Variants in DDX60L observed in about 807,000 individuals in gnomAD.
The protein encoded by DDX60L is probable ATP-dependent RNA helicase DDX60-like.
A neutral mutation model predicts 211.6 loss-of-function variants in DDX60L; 191 were observed. The observed-to-expected ratio is 0.90, with a 90% CI of 0.80 to 1.02. DDX60L has a LOEUF of 1.02. Ranked by LOEUF, DDX60L falls within the 50% of genes least tolerant of loss-of-function variation. The pLI is 0.00. For missense variants in DDX60L, 2,007 were observed against 1,984.1 expected (o/e 1.01, Z -0.22); for synonymous variants, 706 against 694.1 (o/e 1.02, Z -0.27).
intron 9 of DDX60L, among the ~76,000 whole-genome samples, chr4:168,442,686 G>C (rs1222179464): frequency 4.0e-5 from 6 of 150,708 alleles, no homozygotes; most frequent in Admixed American, 2.0e-4. Context: ...ATCTGAGAAC[G>C]GGCAGACTGC....
rs1461162021 is a variant in DDX60L, at chr4:168,384,599, T to A, written c.4116+13A>T. ...GATGAAGACTGAACCTCAGGCAGTG[T>A]CCAGCACGGTACCTTTGCCTTGGCA... On this transcript the variant is annotated intron_variant, in intron 30 of 37. Transcript: ENST00000682922. 15 of 1,613,454 alleles carry A rather than the reference T, an allele frequency of 9.3e-6. 1 individual carries two copies. In the Admixed American group the frequency reaches 1.0e-4, roughly 11 times the overall value.
intron 9 of DDX60L, among the ~76,000 whole-genome samples, chr4:168,443,804 A>T (rs1451418851): frequency 6.6e-6 from 1 of 151,654 alleles, no homozygotes; most frequent in Non-Finnish European, 1.5e-5. Context: ...GAGAAATAAA[A>T]TACTTTACAG....
rs1743530336 is a variant in DDX60L, at chr4:168,384,615, T to C, written c.4113A>G (p.Ala1371=). 6.2e-7 allele frequency: 1 copy of C among 1,613,740 alleles called. No homozygotes were observed. The highest frequency in any genetic ancestry group is 1.3e-5 in the African/African-American group (1 of 74,932). The change falls in exon 30 of 38, where the codon GCA becomes GCG. Residue 1371 remains alanine, a synonymous_variant. Coordinates refer to ENST00000682922, the MANE Select transcript of DDX60L (RefSeq NM_001012967.3). ...CAGGCAGTGTCCAGCACGGTACCTTTGCCTTGGCATCCTCTGGGTCATCTC... is the reference window on the plus strand; with the variant it reads ...CAGGCAGTGTCCAGCACGGTACCTTCGCCTTGGCATCCTCTGGGTCATCTC... ...SKGDDPEDAK[A]KVLSVLKHSL...
intron 22 of DDX60L, among the ~76,000 whole-genome samples, chr4:168,411,877 C>G (rs1748736984): frequency 6.6e-6 from 1 of 152,060 alleles, no homozygotes; most frequent in Admixed American, 6.6e-5. Flanking sequence ...GTAAAGACGA[C>G]TTTGTCTTCA....
intron 25 of DDX60L, among the ~76,000 whole-genome samples, chr4:168,402,740 G>A (rs569933031): frequency 1.3e-5 from 2 of 152,110 alleles, no homozygotes; most frequent in African/African-American, 4.8e-5. Flanking sequence ...CCAGATTAGG[G>A]AAGGGAAGTT....
At chr4:168,360,870 T>C (rs559152477) in intron 37 of DDX60L, among the ~76,000 whole-genome samples, 1 of 152,354 alleles carries the variant, frequency 6.6e-6, no homozygotes, top group Admixed American at 6.5e-5. Context: ...TGGAGATTTA[T>C]GAAGTCATGA....
At chr4:168,379,661 T>A in intron 31 of DDX60L, 65 bp downstream of exon 31, 1 of 1,367,418 alleles carries the variant, frequency 7.3e-7, no homozygotes, top group South Asian at 1.3e-5. Context: ...TTCAGTTGGT[T>A]TAGCATAGAA....
chr4:168,438,435 T>C (rs1285938072), intron 10 of DDX60L, among the ~76,000 whole-genome samples: 1 of 152,082 alleles, frequency 6.6e-6, no homozygotes, highest in Admixed American at 6.6e-5. Context: ...TCAACCATAT[T>C]AGCTAAGAAT....
At chr4:168,401,641 G>T (rs1746833569) in intron 25 of DDX60L, among the ~76,000 whole-genome samples, 1 of 152,092 alleles carries the variant, frequency 6.6e-6, no homozygotes. Context: ...CATACAGTTT[G>T]CTAGAAAAAA....
intron 29 of DDX60L, among the ~76,000 whole-genome samples, chr4:168,388,736 G>T (rs938961256): frequency 5.3e-5 from 8 of 152,160 alleles, no homozygotes; most frequent in African/African-American, 1.9e-4. Flanking sequence ...GCACTGTGAA[G>T]ATCTAGCACA....
At chr4:168,441,310 T>A in intron 10 of DDX60L, 27 bp downstream of exon 10, 2 of 1,554,836 alleles carry the variant, frequency 1.3e-6, no homozygotes, top group Non-Finnish European at 1.7e-6. Flanking sequence ...CATGCTTTTG[T>A]TCCACTTTAA....
chr4:168,444,658 C>G, intron 9 of DDX60L, among the ~76,000 whole-genome samples: 1 of 133,248 alleles, frequency 7.5e-6, no homozygotes, highest in East Asian at 2.2e-4. Context: ...TGTAAAAGAA[C>G]AGAAATTATA....
At chr4:168,430,433 A>T in intron 13 of DDX60L, 45 bp downstream of exon 13, 4 of 1,512,428 alleles carry the variant, frequency 2.6e-6, no homozygotes, top group Non-Finnish European at 3.5e-6. Context: ...AAAGAAAACA[A>T]AACAACATCA....
In DDX60L at chr4:168,371,754, G is replaced by A. The variant is rs146201163; in HGVS notation, c.4786C>T (p.Arg1596Cys). Residue 1596 changes from arginine to cysteine, a missense_variant, in exon 36 of 38, where the codon CGC (arginine) becomes TGC (cysteine). By Grantham distance (180) the Arg-to-Cys change is radical. Coordinates refer to ENST00000682922, the MANE Select transcript of DDX60L (RefSeq NM_001012967.3). ...TGAGTGCCACTAACACCGACTGTGC[G>A]CAGGATGACCTGAAGAAAGACATTT... ...RPETINQVILRTVGVSGTQAP... is the reference protein window; with the variant it reads ...RPETINQVILCTVGVSGTQAP... 141 of 1,599,572 alleles carry A rather than the reference G, an allele frequency of 8.8e-5. 1 individual carries two copies. In the East Asian group the frequency reaches 2.0e-3, roughly 23 times the overall value.
rs1745431440 is a variant in DDX60L, at chr4:168,394,524, T to C, written c.3751A>G (p.Ser1251Gly). The C allele has an allele frequency of 1.2e-6, 2 of 1,613,514 alleles. No homozygotes were observed. Among genetic ancestry groups the C allele is most frequent in the South Asian group, 1.1e-5 (1 of 90,948 alleles). The change falls in exon 28 of 38, where the codon AGC becomes GGC. Residue 1251 changes from serine (S) to glycine (G), a missense_variant. Physicochemically the swap from Ser to Gly is moderately conservative, Grantham distance 56. Coordinates refer to ENST00000682922, the MANE Select transcript of DDX60L (RefSeq NM_001012967.3). ...AQRGIGYHHSSMYFKEKEFVE... is the reference protein window; with the variant it reads ...AQRGIGYHHSGMYFKEKEFVE... Reference sequence around the variant, plus strand: ...AACTCTTTTTCTTTAAAATACATGCTGCTGTGATGATATCCAATCCCCCTT... The same window carrying C: ...AACTCTTTTTCTTTAAAATACATGCCGCTGTGATGATATCCAATCCCCCTT...
chr4:168,420,394 A>G lies in DDX60L; in HGVS notation c.2395-14T>C. The G allele has an allele frequency of 6.2e-7, 1 of 1,601,226 alleles. No homozygotes were observed. The highest frequency in any genetic ancestry group is 8.5e-7 in the Non-Finnish European group (1 of 1,176,184). On this transcript the variant is annotated splice_polypyrimidine_tract_variant and intron_variant, in intron 17 of 37. Transcript: ENST00000682922. ...ACCAACAAGGGACTGATTGACAAGA[A>G]AAAAAACCATTAGTCACTTAGTAGA...
chr4:168,462,028 CATATTCAGCATCCTGTGGTGAG>C lies in DDX60L; in HGVS notation c.265-10_276del. On this transcript the variant is annotated splice_acceptor_variant and splice_polypyrimidine_tract_variant and coding_sequence_variant and intron_variant, in exon 5 of 38. Coordinates refer to ENST00000682922, the MANE Select transcript of DDX60L (RefSeq NM_001012967.3). LOFTEE classifies it high-confidence loss of function. ...AGAAGTTCAGGAAAATCAAAATATGCATATTCAGCATCCTGTGGTGAGAAAAAGAAACAAGCACATCATTTTC... is the reference window on the plus strand; with the variant it reads ...AGAAGTTCAGGAAAATCAAAATATGCAAAAAGAAACAAGCACATCATTTTC... 6.3e-7 allele frequency: 1 copy of C among 1,599,210 alleles called. No individual in the cohort carries two copies. The highest frequency in any genetic ancestry group is 8.5e-7 in the Non-Finnish European group (1 of 1,170,456).
chr4:168,472,955 A>C (rs539861823), intron 1 of DDX60L, 146 bp from the exon 2 acceptor site: 141 of 520,954 alleles, frequency 2.7e-4, no homozygotes, highest in Non-Finnish European at 3.7e-4. Flanking sequence ...TTCAAATCAC[A>C]AATGTGACAA....
chr4:168,381,917 G>A (rs1743032855), intron 30 of DDX60L, among the ~76,000 whole-genome samples: 1 of 152,080 alleles, frequency 6.6e-6, no homozygotes, highest in African/African-American at 2.4e-5. Context: ...AACCTTTAAA[G>A]TGTACTACTC....
Sources: gnomAD v4.1 joint callset for allele counts (sites outside exome capture counted in the v4.1 genomes callset) on GRCh38, gnomAD v4.1.1 for gene constraint, MANE v1.5 for transcripts, NCBI Gene and HGNC (gene_info 2026-07-23, HGNC 2026-07-21) for gene names.